The following LILRB4 variants were observed in gnomAD, a reference collection of about 807,000 sequenced individuals.
The protein encoded by LILRB4 is leukocyte immunoglobulin like receptor B4.
In LILRB4, 49 loss-of-function variants were observed where a neutral mutation model predicts 55.2. The ratio of observed to expected loss-of-function variants is 0.89; its 90% CI spans 0.71 to 1.13. The LOEUF is 1.13. Ranked by LOEUF, LILRB4 falls within the 50% of genes most tolerant of loss-of-function variation. The pLI is 0.00. For synonymous variants in LILRB4, 229 were observed against 213.8 expected (o/e 1.07, Z -0.62); for missense variants, 590 against 555.2 (o/e 1.06, Z -0.63).
At chr19:54,667,670 G>T (rs61738941) in exon 11 of LILRB4, 2 of 1,610,098 alleles carry the variant, frequency 1.2e-6, no homozygotes, top group East Asian at 4.5e-5. Context: ...AGGCAGTGAC[G>T]TATGCCAAGG....
chr19:54,663,058 C>G, exon 1 of LILRB4: 2 of 1,613,676 alleles, frequency 1.2e-6, no homozygotes. Context: ...CACGGCTCTG[C>G]TCTGCCTCGG....
In LILRB4 at chr19:54,665,291, C is replaced by T; in HGVS notation, c.757+111C>T. 1 of 1,331,972 alleles carries T rather than the reference C, an allele frequency of 7.5e-7. No homozygotes were observed. The highest frequency in any genetic ancestry group is 1.3e-5 in the South Asian group (1 of 77,386). The allele number at this position is 1,331,972 out of a possible 1,614,324, so 82.5% of individuals were successfully genotyped here. A position where few individuals can be genotyped will look rare whatever the true frequency, so the allele number is the denominator to read the frequency against. On this transcript the variant is annotated intron_variant, in intron 6 of 11. Coordinates refer to ENST00000430952, the Ensembl canonical transcript of LILRB4. This position sits in a 1 kb window ranked among gnomAD's most constrained non-coding sequence, Gnocchi z 5.5. Reference sequence around the variant, plus strand: ...GTGGTGATGTGGACAGGCCCCTCCCCTGCATGGGCCTCAGTTTCTCCAAGT... The same window carrying T: ...GTGGTGATGTGGACAGGCCCCTCCCTTGCATGGGCCTCAGTTTCTCCAAGT...
intron 1 of LILRB4, 22 bp from the exon 2 acceptor site, chr19:54,663,510 C>G (rs1304097868): frequency 6.2e-7 from 1 of 1,612,402 alleles, no homozygotes; most frequent in Non-Finnish European, 8.5e-7. Context: ...GGGCAAATCC[C>G]TCACAGGGAA....
chr19:54,666,978 C>G lies in LILRB4; in HGVS notation c.1041+229C>G. ...TGCTCCTCATCCTCTGTTTGGCCATCTGGTTGTTAGAGAGCTCCCCAGGCC... is the reference window on the plus strand; with the variant it reads ...TGCTCCTCATCCTCTGTTTGGCCATGTGGTTGTTAGAGAGCTCCCCAGGCC... On this transcript the variant is annotated intron_variant, in intron 10 of 11. Coordinates refer to ENST00000430952, the Ensembl canonical transcript of LILRB4. This position sits in a 1 kb window ranked among gnomAD's most constrained non-coding sequence, Gnocchi z 4.8. The G allele has an allele frequency of 1.4e-6, 1 of 709,130 alleles. No homozygotes were observed. The highest frequency in any genetic ancestry group is 2.6e-6 in the Non-Finnish European group (1 of 381,542). The allele number at this position is 709,130 out of a possible 1,614,324, so 43.9% of individuals were successfully genotyped here.
chr19:54,667,486 G>A, intron 10 of LILRB4, 149 bp from the exon 11 acceptor site: 3 of 1,422,618 alleles, frequency 2.1e-6, no homozygotes, highest in East Asian at 5.0e-5. Context: ...CCACAGGGAG[G>A]GAGCGGCCAG....
chr19:54,667,336 G>C, intron 10 of LILRB4: 1 of 608,594 alleles, frequency 1.6e-6, no homozygotes, highest in Non-Finnish European at 3.0e-6. Flanking sequence ...AGAGGGCCAC[G>C]TGATCCTCTA....
chr19:54,663,463 A>AAAAAAAAC (rs2065105001), intron 1 of LILRB4, 69 bp from the exon 2 acceptor site: 1 of 1,533,388 alleles, frequency 6.5e-7, no homozygotes, highest in Non-Finnish European at 8.8e-7. Context: ...AAAAAAAAAA[A>AAAAAAAAC]ATCTCAGGGT....
chr19:54,663,711 G>A, intron 2 of LILRB4, 43 bp from the exon 3 acceptor site: 2 of 1,611,052 alleles, frequency 1.2e-6, no homozygotes, highest in Non-Finnish European at 1.7e-6. Flanking sequence ...GGGATCTGAG[G>A]GCTGAGGAAG....
Position 54,666,512 on chromosome 19 carries a change from G to A in LILRB4, c.988+76G>A. The A allele has an allele frequency of 1.3e-6, 2 of 1,555,628 alleles. No individual in the cohort carries two copies. The highest frequency in any genetic ancestry group is 1.4e-5 in the African/African-American group (1 of 73,866). ...AATTTCAATAGCAATGGGGGCAGGA[G>A]CACAGGCTAGGATTGGTCAGGGACT... is the stretch of plus-strand genomic sequence containing the variant. On this transcript the variant is annotated intron_variant, in intron 9 of 11. Transcript: ENST00000430952. This position sits in a 1 kb window ranked among gnomAD's most constrained non-coding sequence, Gnocchi z 4.8.
rs745574694 is a variant in LILRB4 at position 54,665,164 on chromosome 19, G to T, written c.741G>T (p.Gly247=). 7 of 1,603,646 alleles carry T rather than the reference G, an allele frequency of 4.4e-6. No homozygotes were observed. In the South Asian group the frequency reaches 5.6e-5, roughly 13 times the overall value. Residue 247 remains glycine, a synonymous_variant, in exon 6 of 12, where the codon GGG becomes GGT. Transcript: ENST00000430952. The surrounding 1 kb of genome is among the most constrained non-coding windows in gnomAD (Gnocchi z 5.5). ...AGGACCAGCCCCTCATGCCTACAGG[G>T]TCAGTCCCCCACAGTGGTGAGTGAG...
In LILRB4 at chr19:54,666,212, A is replaced by G; in HGVS notation, c.875-28A>G. On this transcript the variant is annotated intron_variant, in intron 7 of 11. Coordinates refer to ENST00000430952, the Ensembl canonical transcript of LILRB4. The surrounding 1 kb of genome is among the most constrained non-coding windows in gnomAD (Gnocchi z 4.8). The stretch of plus-strand genomic sequence containing the variant: ...AGGCAGGTGGTTCTAACGTTCCCAG[A>G]GCTGAGACTCTGTCCATCTTCCCCC... The G allele has an allele frequency of 1.9e-6, 3 of 1,554,144 alleles. No homozygotes were observed. Among genetic ancestry groups the G allele is most frequent in the East Asian group, 2.2e-5 (1 of 44,446 alleles).
Position 54,665,797 on chromosome 19 carries a change from G to C in LILRB4, c.758-18G>C. On this transcript the variant is annotated intron_variant, in intron 6 of 11. Coordinates refer to ENST00000430952, the Ensembl canonical transcript of LILRB4. This position sits in a 1 kb window ranked among gnomAD's most constrained non-coding sequence, Gnocchi z 5.5. The stretch of plus-strand genomic sequence containing the variant: ...CATCAATGACATCATCCCCATTCCT[G>C]ATGTCATCACGCCCAAGGTCTGAGA... The C allele has an allele frequency of 3.8e-6, 6 of 1,586,414 alleles. No homozygotes were observed. The highest frequency in any genetic ancestry group is 5.1e-6 in the Non-Finnish European group (6 of 1,166,548).
rs1025511467 is a variant in LILRB4, at chr19:54,666,502, G to C, written c.988+66G>C. 1.9e-6 allele frequency: 3 copies of C among 1,569,810 alleles called. No homozygotes were observed. In the African/African-American group the frequency reaches 4.1e-5, roughly 21 times the overall value. ...GGGGTCCCAAAATTTCAATAGCAATGGGGGCAGGAGCACAGGCTAGGATTG... is the reference window on the plus strand; with the variant it reads ...GGGGTCCCAAAATTTCAATAGCAATCGGGGCAGGAGCACAGGCTAGGATTG... On this transcript the variant is annotated intron_variant, in intron 9 of 11. Transcript: ENST00000430952. This position sits in a 1 kb window ranked among gnomAD's most constrained non-coding sequence, Gnocchi z 4.8.
exon 12 of LILRB4, chr19:54,668,029 G>T (rs750862713): frequency 6.2e-7 from 1 of 1,613,876 alleles, no homozygotes; most frequent in South Asian, 1.1e-5. Context: ...ATCCAGGGGG[G>T]ACCCAGACCC....
exon 4 of LILRB4, chr19:54,664,305 C>A (rs367943633): frequency 6.2e-7 from 1 of 1,613,976 alleles, no homozygotes; most frequent in Non-Finnish European, 8.5e-7. Context: ...GATCAAGGAG[C>A]GGGCAGCCCA....
In LILRB4 at chr19:54,665,243, C is replaced by T; in HGVS notation, c.757+63C>T. The T allele has an allele frequency of 1.3e-6, 2 of 1,517,920 alleles. No individual in the cohort carries two copies. Among genetic ancestry groups the T allele is most frequent in the Admixed American group, 2.0e-5 (1 of 50,706 alleles). 94.0% of individuals were successfully genotyped at this position (1,517,920 alleles called of 1,614,324 possible). ...TAGGGGAGCCAAGGGTGGGTTCTGT[C>T]CTAGGTTAAGGCTCCTCTGGAGGTG... On this transcript the variant is annotated intron_variant, in intron 6 of 11. Coordinates refer to ENST00000430952, the Ensembl canonical transcript of LILRB4. This position sits in a 1 kb window ranked among gnomAD's most constrained non-coding sequence, Gnocchi z 5.5.
Position 54,666,219 on chromosome 19 carries a change from ACT to A in LILRB4, c.875-18_875-17del, listed in dbSNP as rs767081497. 4.5e-6 allele frequency: 7 copies of A among 1,567,876 alleles called. No individual in the cohort carries two copies. Among genetic ancestry groups the A allele is most frequent in the South Asian group, 1.2e-5 (1 of 83,704 alleles). ...TGGTTCTAACGTTCCCAGAGCTGAG[ACT>A]CTGTCCATCTTCCCCCAGCCCAGAG... is the stretch of plus-strand genomic sequence containing the variant. On this transcript the variant is annotated intron_variant, in intron 7 of 11. Transcript: ENST00000430952. This position sits in a 1 kb window ranked among gnomAD's most constrained non-coding sequence, Gnocchi z 4.8.
intron 10 of LILRB4, 31 bp from the exon 11 acceptor site, chr19:54,667,604 A>C (rs2146418316): frequency 6.2e-7 from 1 of 1,609,532 alleles, no homozygotes; most frequent in Non-Finnish European, 8.5e-7. Context: ...AGGAGGATTC[A>C]AGGACACCCC....
rs1379026714 is a variant in LILRB4, at chr19:54,665,632, C to G, written c.758-183C>G. Among the ~76,000 whole-genome samples the G allele has an allele frequency of 6.6e-6, 1 of 152,158 alleles. No individual in the cohort carries two copies. Among genetic ancestry groups the G allele is most frequent in the African/African-American group, 2.4e-5 (1 of 41,438 alleles). ...GAGGGGTCTGGGGCAGGCGATTCCC[C>G]TCTCTGAGCCTCAGTTTGTGCATCT... On this transcript the variant is annotated intron_variant, in intron 6 of 11. Coordinates refer to ENST00000430952, the Ensembl canonical transcript of LILRB4. This position sits in a 1 kb window ranked among gnomAD's most constrained non-coding sequence, Gnocchi z 5.5.
Sources: gnomAD v4.1 joint callset for allele counts (sites outside exome capture counted in the v4.1 genomes callset) on GRCh38, gnomAD v4.1.1 for gene constraint, Gnocchi (gnomAD v3.1) non-coding constraint, MANE v1.5 for transcripts, NCBI Gene and HGNC (gene_info 2026-07-23, HGNC 2026-07-21) for gene names.